The following SLC4A4 variants were observed in gnomAD, a reference collection of about 807,000 sequenced individuals.
SLC4A4 encodes solute carrier family 4 member 4, also known as electrogenic sodium bicarbonate cotransporter 1.
A neutral mutation model predicts 111.5 loss-of-function variants in SLC4A4; 27 were observed. That is an observed-to-expected ratio of 0.24 (90% CI 0.18 to 0.33). SLC4A4 has a LOEUF of 0.33. Among genes scored for constraint, SLC4A4 ranks in the 10% least tolerant of loss-of-function variants. The probability of loss-of-function intolerance (pLI) is 1.00; values close to 1 mark genes in which losing one functional copy is unlikely to be tolerated. For missense variants in SLC4A4, 909 were observed against 1,315.5 expected (o/e 0.69, Z 4.78); for synonymous variants, 443 against 463.4 (o/e 0.96, Z 0.57).
At chr4:71,307,767 C>T (rs1725809315) in intron 3 of SLC4A4, among the ~76,000 whole-genome samples, 1 of 152,174 alleles carries the variant, frequency 6.6e-6, no homozygotes. Flanking sequence ...ACAAGGTTGC[C>T]TACCGTGAAT....
chr4:71,324,223 C>T (rs1304088116), intron 3 of SLC4A4, among the ~76,000 whole-genome samples: 1 of 151,886 alleles, frequency 6.6e-6, no homozygotes. Flanking sequence ...AAAATGGTAT[C>T]ATGGAAGGTG....
In SLC4A4 at chr4:71,378,612, C is replaced by T. The variant is rs78926799; in HGVS notation, c.731-18965C>T. ...AGCTCAAGCGCTAAATACTTGAATT[C>T]GTTTGTCTGTGCACATGTGAGTGAG... On this transcript the variant is annotated intron_variant, in intron 6 of 25. Transcript: ENST00000264485. Among the ~76,000 whole-genome samples, 387 of 152,294 alleles carry T rather than the reference C, an allele frequency of 2.5e-3. 11 individuals are homozygous for T. In the East Asian group the frequency reaches 0.048, roughly 19 times the overall value.
chr4:71,156,181 G>A (rs979448179), intron 2 of SLC4A4, among the ~76,000 whole-genome samples: 4 of 152,200 alleles, frequency 2.6e-5, no homozygotes, highest in Non-Finnish European at 5.9e-5. Flanking sequence ...CCGCCAAGGA[G>A]GCTGTTGTGG....
At chr4:71,337,309 G>C (rs755970463) in intron 3 of SLC4A4, among the ~76,000 whole-genome samples, 1 of 152,012 alleles carries the variant, frequency 6.6e-6, no homozygotes, top group Non-Finnish European at 1.5e-5. Flanking sequence ...TCAATTCCTA[G>C]CTTTATTTTA....
intron 3 of SLC4A4, among the ~76,000 whole-genome samples, chr4:71,286,623 C>T (rs994792637): frequency 6.6e-6 from 1 of 152,186 alleles, no homozygotes; most frequent in African/African-American, 2.4e-5. Flanking sequence ...GAAAACACTG[C>T]CTCCTATTTG....
At chr4:71,086,312 G>C (rs182896097) in intron 1 of SLC4A4, among the ~76,000 whole-genome samples, 8,434 of 151,616 alleles carry the variant, frequency 0.056, 441 homozygotes, top group African/African-American at 0.12. Flanking sequence ...GGGCTAAGAC[G>C]ATGGGGTTTT....
At chr4:71,366,344 TG>T (rs1731315349) in intron 6 of SLC4A4, among the ~76,000 whole-genome samples, 1 of 151,896 alleles carries the variant, frequency 6.6e-6, no homozygotes, top group African/African-American at 2.4e-5. Flanking sequence ...TGTGTGTGTG[TG>T]TGTGTGTGTG....
At chr4:71,094,746 A>G (rs1002338935) in intron 2 of SLC4A4, among the ~76,000 whole-genome samples, 1 of 152,114 alleles carries the variant, frequency 6.6e-6, no homozygotes, top group African/African-American at 2.4e-5. Flanking sequence ...CAGAAGCTGG[A>G]TGTTTTGTGT....
chr4:71,227,957 C>G (rs1003296506), intron 1 of SLC4A4, among the ~76,000 whole-genome samples: 3 of 152,200 alleles, frequency 2.0e-5, no homozygotes, highest in Admixed American at 6.5e-5. Context: ...CAATGGAACT[C>G]TGGTCAGAAG....
chr4:71,545,472 G>A (rs1412298260), intron 18 of SLC4A4, among the ~76,000 whole-genome samples: 1 of 151,910 alleles, frequency 6.6e-6, no homozygotes, highest in African/African-American at 2.4e-5. Flanking sequence ...AGGCTCCATA[G>A]GGGTATCAAG....
At chr4:71,367,242 C>A (rs148373324) in intron 6 of SLC4A4, among the ~76,000 whole-genome samples, 1 of 152,130 alleles carries the variant, frequency 6.6e-6, no homozygotes, top group Non-Finnish European at 1.5e-5. Flanking sequence ...CCTCTACTCA[C>A]GTTAGAAGCA....
chr4:71,503,395 C>A (rs943453754), intron 16 of SLC4A4, among the ~76,000 whole-genome samples: 1 of 151,838 alleles, frequency 6.6e-6, no homozygotes, highest in African/African-American at 2.4e-5. Flanking sequence ...TTCTTTTCTT[C>A]CTCTCTTGTT....
Position 71,290,446 on chromosome 4 carries a change from T to TAG in SLC4A4, c.253+35050_253+35051dup, listed in dbSNP as rs1408083105. On this transcript the variant is annotated intron_variant, in intron 3 of 25. Coordinates refer to ENST00000264485, the MANE Select transcript of SLC4A4 (RefSeq NM_001098484.3). Reference sequence around the variant, plus strand: ...AATTTCAACAGTGCTAACTGAAGCATAGAGGTCAAGGGGATTGAAGACTTG... The same window carrying TAG: ...AATTTCAACAGTGCTAACTGAAGCATAGAGAGGTCAAGGGGATTGAAGACTTG... Among the ~76,000 whole-genome samples the TAG allele has an allele frequency of 2.0e-5, 3 of 152,108 alleles. No individual in the cohort carries two copies. In the East Asian group the frequency reaches 5.8e-4, roughly 29 times the overall value.
chr4:71,170,341 T>C (rs548938231), intron 2 of SLC4A4, among the ~76,000 whole-genome samples: 1 of 152,326 alleles, frequency 6.6e-6, no homozygotes, highest in East Asian at 1.9e-4. Context: ...ATTCCATAAA[T>C]ATTTTTTGAA....
At chr4:71,509,752 T>C (rs1450888374) in intron 16 of SLC4A4, among the ~76,000 whole-genome samples, 1 of 152,190 alleles carries the variant, frequency 6.6e-6, no homozygotes, top group Admixed American at 6.5e-5. Context: ...GTTCAGTGAC[T>C]TTCCTGCTTT....
At chr4:71,156,926 G>C (rs2148975460) in intron 2 of SLC4A4, among the ~76,000 whole-genome samples, 1 of 152,152 alleles carries the variant, frequency 6.6e-6, no homozygotes, top group Admixed American at 6.5e-5. Context: ...AGTGATTTAC[G>C]ATCATTTTTA....
At chr4:71,507,386 A>C (rs2149168263) in intron 16 of SLC4A4, among the ~76,000 whole-genome samples, 2 of 152,334 alleles carry the variant, frequency 1.3e-5, no homozygotes, top group Middle Eastern at 6.8e-3. Flanking sequence ...CTTAAAATAA[A>C]AGGATGGAGG....
At chr4:71,163,599 TA>T (rs1444564256) in intron 2 of SLC4A4, among the ~76,000 whole-genome samples, 6 of 152,228 alleles carry the variant, frequency 3.9e-5, no homozygotes, top group African/African-American at 1.4e-4. Flanking sequence ...ATAGACTTAC[TA>T]AGAAGACCTA....
intron 3 of SLC4A4, among the ~76,000 whole-genome samples, chr4:71,292,677 A>G (rs1317099429): frequency 6.6e-6 from 1 of 152,122 alleles, no homozygotes; most frequent in African/African-American, 2.4e-5. Flanking sequence ...GATTTTCCCA[A>G]CAGCTGCTAT....
Sources: gnomAD v4.1 joint callset for allele counts (sites outside exome capture counted in the v4.1 genomes callset) on GRCh38, gnomAD v4.1.1 for gene constraint, MANE v1.5 for transcripts, NCBI Gene and HGNC (gene_info 2026-07-23, HGNC 2026-07-21) for gene names.